CNTN5: variants seen among roughly 807,000 people sequenced by gnomAD.
The protein encoded by CNTN5 is contactin-5.
Under a neutral mutation model 129.1 loss-of-function variants are expected in CNTN5, and 77 were observed. That is an observed-to-expected ratio of 0.60 (90% CI 0.50 to 0.72). The LOEUF is 0.72. CNTN5 is among the 30% of genes least tolerant of loss of function. CNTN5 has a pLI of 0.00. For synonymous variants in CNTN5, 509 were observed against 465.6 expected, an observed-to-expected ratio of 1.09 and a Z score of -1.20; for missense variants, 1,478 against 1,328.8, an observed-to-expected ratio of 1.11 and a Z score of -1.75.
intron 8 of CNTN5, among the ~76,000 whole-genome samples, chr11:99,999,292 A>AC (rs1472007963): frequency 6.6e-6 from 1 of 152,122 alleles, no homozygotes; most frequent in African/African-American, 2.4e-5. Context: ...TCTACAATGA[A>AC]CTCCAACAAA....
At chr11:99,759,759 G>C (rs1336237611) in intron 3 of CNTN5, among the ~76,000 whole-genome samples, 1 of 151,802 alleles carries the variant, frequency 6.6e-6, no homozygotes, top group Admixed American at 6.6e-5. Context: ...GAGGCAGAGA[G>C]AGAGCAAGAG....
At chr11:99,101,060 A>C (rs1866708966) in intron 1 of CNTN5, among the ~76,000 whole-genome samples, 1 of 152,182 alleles carries the variant, frequency 6.6e-6, no homozygotes, top group South Asian at 2.1e-4. Flanking sequence ...GAGGACTCAC[A>C]ATGATAGTGG....
intron 1 of CNTN5, among the ~76,000 whole-genome samples, chr11:99,270,607 C>A (rs2135855033): frequency 6.6e-6 from 1 of 152,028 alleles, no homozygotes; most frequent in East Asian, 1.9e-4. Context: ...TACTAAGGTT[C>A]ATCTTCATTT....
intron 3 of CNTN5, among the ~76,000 whole-genome samples, chr11:99,723,012 C>T (rs1365834247): frequency 6.6e-6 from 1 of 151,644 alleles, no homozygotes; most frequent in East Asian, 1.9e-4. Context: ...TTTTTTTCAG[C>T]TCATGCACTC....
chr11:99,043,748 A>G (rs549091386), intron 1 of CNTN5, among the ~76,000 whole-genome samples: 2 of 152,198 alleles, frequency 1.3e-5, no homozygotes, highest in Non-Finnish European at 2.9e-5. Context: ...AAATTAAGAC[A>G]GTCTCAGTTT....
chr11:99,592,562 C>G (rs1249443015), intron 3 of CNTN5, among the ~76,000 whole-genome samples: 1 of 151,600 alleles, frequency 6.6e-6, no homozygotes, highest in Non-Finnish European at 1.5e-5. Context: ...AAACAGAGGT[C>G]AAGAACTGGA....
In CNTN5 at chr11:99,297,038, T is replaced by A. The variant is rs569531380; in HGVS notation, c.-209-28308T>A. On this transcript the variant is annotated intron_variant, in intron 1 of 24. Transcript: ENST00000524871. ...AGCTATAGCACAGGGCAGTCTCTAT[T>A]GTCCTTCCCAGAAGGAGTCTAGAGT... Among the ~76,000 whole-genome samples the A allele has an allele frequency of 2.0e-5, 3 of 152,330 alleles. No homozygotes were observed. The East Asian group carries it at 5.8e-4, about 29-fold the overall frequency.
chr11:99,441,338 C>T (rs1483771473), intron 2 of CNTN5, among the ~76,000 whole-genome samples: 1 of 152,276 alleles, frequency 6.6e-6, no homozygotes, highest in East Asian at 1.9e-4. Context: ...ATCTTAACTA[C>T]TTTATACAAA....
intron 3 of CNTN5, among the ~76,000 whole-genome samples, chr11:99,562,501 A>G (rs1316015116): frequency 6.6e-6 from 1 of 152,132 alleles, no homozygotes; most frequent in Non-Finnish European, 1.5e-5. Flanking sequence ...TAAAATATAA[A>G]TATTAGTTTA....
At chr11:99,843,949 G>T (rs141359422) in intron 4 of CNTN5, among the ~76,000 whole-genome samples, 51 of 152,222 alleles carry the variant, frequency 3.4e-4, no homozygotes, top group Middle Eastern at 3.4e-3. Flanking sequence ...CGTAACTGTG[G>T]GCTGACATAA....
chr11:99,574,035 C>T (rs1451327817), intron 3 of CNTN5, among the ~76,000 whole-genome samples: 1 of 152,092 alleles, frequency 6.6e-6, no homozygotes. Context: ...AGGTATTTCT[C>T]CTAATGCTAT....
At chr11:100,209,393 C>A (rs1404154531) in intron 15 of CNTN5, among the ~76,000 whole-genome samples, 2 of 152,134 alleles carry the variant, frequency 1.3e-5, no homozygotes, top group Non-Finnish European at 2.9e-5. Context: ...TTGAATGGAT[C>A]CTTTTTTACT....
At chr11:99,172,974 G>A (rs964258342) in intron 1 of CNTN5, among the ~76,000 whole-genome samples, 1 of 152,162 alleles carries the variant, frequency 6.6e-6, no homozygotes, top group East Asian at 1.9e-4. Flanking sequence ...ACAGTTCCAC[G>A]TGGCAGAAGG....
In CNTN5 at chr11:99,985,186, G is replaced by A. The variant is rs114889747; in HGVS notation, c.878-16848G>A. Among the ~76,000 whole-genome samples, 914 of 152,160 alleles carry A rather than the reference G, an allele frequency of 6.0e-3. 11 individuals are homozygous for A. Among genetic ancestry groups the A allele is most frequent in the African/African-American group, 0.021 (852 of 41,510 alleles). On this transcript the variant is annotated intron_variant, in intron 8 of 24. Transcript: ENST00000524871. ...AGGGTCAGTGTGATGGCCATTTTTG[G>A]GTCCCTGTACTCGGTGGTTCCTGAG...
chr11:99,166,573 A>G (rs867627083), intron 1 of CNTN5, among the ~76,000 whole-genome samples: 12 of 152,134 alleles, frequency 7.9e-5, no homozygotes, highest in African/African-American at 2.2e-4. Context: ...CCTGAATGAC[A>G]TAGAATAATG....
chr11:99,059,842 A>G (rs1179785162), intron 1 of CNTN5, among the ~76,000 whole-genome samples: 1 of 152,060 alleles, frequency 6.6e-6, no homozygotes, highest in Non-Finnish European at 1.5e-5. Flanking sequence ...GGTAAAGTTT[A>G]ATTCCAGTAA....
At chr11:99,967,638 C>T (rs1374476234) in intron 8 of CNTN5, among the ~76,000 whole-genome samples, 5 of 152,100 alleles carry the variant, frequency 3.3e-5, no homozygotes, top group Admixed American at 6.6e-5. Flanking sequence ...ATGTATGAGG[C>T]GCTTGCGTTC....
chr11:100,088,051 A>G (rs1944623060), intron 13 of CNTN5, among the ~76,000 whole-genome samples: 2 of 151,772 alleles, frequency 1.3e-5, no homozygotes, highest in Admixed American at 1.3e-4. Flanking sequence ...AAAAAAAAAA[A>G]TTCTTTGAAA....
At chr11:99,596,940 C>T (rs2135686808) in intron 3 of CNTN5, among the ~76,000 whole-genome samples, 1 of 152,174 alleles carries the variant, frequency 6.6e-6, no homozygotes, top group East Asian at 1.9e-4. Context: ...ATTATTAATC[C>T]TGTTATACAT....
Sources: allele counts gnomAD v4.1 joint callset (sites outside exome capture counted in the v4.1 genomes callset), GRCh38; gene constraint gnomAD v4.1.1; transcripts MANE v1.5; gene names NCBI Gene and HGNC (gene_info 2026-07-23, HGNC 2026-07-21).